SASS6: variants seen among roughly 807,000 people sequenced by gnomAD.
The protein encoded by SASS6 is SAS-6 centriolar assembly protein.
Under a neutral mutation model 94.9 loss-of-function variants are expected in SASS6, and 59 were observed. The ratio of observed to expected loss-of-function variants is 0.62; its 90% CI spans 0.50 to 0.77. SASS6 has a LOEUF of 0.77. SASS6 is among the 30% of genes least tolerant of loss of function. SASS6 has a pLI of 0.00. For missense variants in SASS6, 698 were observed against 734.1 expected (o/e 0.95, Z 0.57); for synonymous variants, 264 against 270.0 (o/e 0.98, Z 0.22).
chr1:100,116,422 TAGAATGG>T (rs1454902696), intron 7 of SASS6, among the ~76,000 whole-genome samples: 2 of 152,174 alleles, frequency 1.3e-5, no homozygotes, highest in Non-Finnish European at 2.9e-5. Flanking sequence ...TACATACCCA[TAGAATGG>T]CAATGTAAAC....
At chr1:100,088,089 G>T in intron 15 of SASS6, 50 bp downstream of exon 15, 1 of 952,412 alleles carries the variant, frequency 1.0e-6, no homozygotes, top group Non-Finnish European at 1.7e-6. Context: ...AATTCTGTAA[G>T]ATGGCCTTCA....
Position 100,120,374 on chromosome 1 carries a change from C to T in SASS6, c.549+20G>A, listed in dbSNP as rs1351147516. On this transcript the variant is annotated intron_variant, in intron 6 of 16. Coordinates refer to ENST00000287482, the MANE Select transcript of SASS6 (RefSeq NM_194292.3). ...CCAATGTCTGGATGACTTACAAAGACAAAATGAAATTTGAATTACCTTTCG... is the reference window on the plus strand; with the variant it reads ...CCAATGTCTGGATGACTTACAAAGATAAAATGAAATTTGAATTACCTTTCG... 5 of 1,318,694 alleles carry T rather than the reference C, an allele frequency of 3.8e-6. No homozygotes were observed. The African/African-American group carries it at 7.3e-5, about 19-fold the overall frequency. 81.7% of individuals were successfully genotyped at this position (1,318,694 alleles called of 1,614,324 possible). A position where few individuals can be genotyped will look rare whatever the true frequency, so the allele number is the denominator to read the frequency against.
intron 14 of SASS6, among the ~76,000 whole-genome samples, chr1:100,098,770 T>C (rs1024768011): frequency 3.3e-5 from 5 of 152,200 alleles, no homozygotes; most frequent in African/African-American, 1.2e-4. Flanking sequence ...AAAACTTATA[T>C]TCTGATACAC....
intron 14 of SASS6, among the ~76,000 whole-genome samples, chr1:100,094,839 CAGGG>C (rs1221163059): frequency 6.8e-6 from 1 of 146,724 alleles, no homozygotes; most frequent in African/African-American, 2.5e-5. Flanking sequence ...GCACTCCAGC[CAGGG>C]CAACAGAGAG....
At chr1:100,088,517 T>C (rs1303885152) in intron 14 of SASS6, among the ~76,000 whole-genome samples, 1 of 152,146 alleles carries the variant, frequency 6.6e-6, no homozygotes, top group Non-Finnish European at 1.5e-5. Context: ...CTCAAACTCC[T>C]CGGCTCAAGT....
At chr1:100,091,690 G>A (rs1457881129) in intron 14 of SASS6, among the ~76,000 whole-genome samples, 14 of 144,112 alleles carry the variant, frequency 9.7e-5, no homozygotes, top group African/African-American at 1.0e-4. Context: ...GAAAAAAACC[G>A]CTGAATGGGC....
intron 7 of SASS6, among the ~76,000 whole-genome samples, chr1:100,111,196 C>T (rs1465335860): frequency 6.6e-6 from 1 of 151,850 alleles, no homozygotes; most frequent in Non-Finnish European, 1.5e-5. Flanking sequence ...ACCCATAATC[C>T]CATCCAGAAA....
Position 100,084,643 on chromosome 1 carries a change from G to A in SASS6, c.*685C>T, listed in dbSNP as rs1570677057. The A allele has an allele frequency of 6.6e-6, 1 of 152,072 alleles. No homozygotes were observed. Among genetic ancestry groups the A allele is most frequent in the Non-Finnish European group, 1.5e-5 (1 of 67,916 alleles). 9.4% of individuals were successfully genotyped at this position (152,072 alleles called of 1,614,324 possible). A position where few individuals can be genotyped will look rare whatever the true frequency, so the allele number is the denominator to read the frequency against. On this transcript the variant is annotated 3_prime_UTR_variant, in exon 17 of 17. Coordinates refer to ENST00000287482, the MANE Select transcript of SASS6 (RefSeq NM_194292.3). Reference sequence around the variant, plus strand: ...AAAACTAGATGAGTATAAACATTTAGGAAGCACTGAAGTTTTAAAAACTTG... The same window carrying A: ...AAAACTAGATGAGTATAAACATTTAAGAAGCACTGAAGTTTTAAAAACTTG...
At position 100,105,781 on chromosome 1, in the gene SASS6, G is replaced by A. The variant is rs775272506; in HGVS notation, c.1531C>T (p.Pro511Ser). 1.2e-6 allele frequency: 2 copies of A among 1,612,636 alleles called. No homozygotes were observed. Among genetic ancestry groups the A allele is most frequent in the Admixed American group, 1.7e-5 (1 of 59,704 alleles). The change falls in exon 13 of 17, where the codon CCT (proline) becomes TCT (serine). Residue 511 changes from proline (P) to serine (S), a missense_variant. Transcript: ENST00000287482. ...SSNTIRSGIS[P>S]NLNVVDGRLT... is the part of the protein sequence containing the mutation. ...TTAAATCTTACCACATTCAGGTTAG[G>A]AGAAATTCCACTTCTGATTGTGTTG...
In SASS6 at chr1:100,118,513, T is replaced by C. The variant is rs139298588; in HGVS notation, c.669+505A>G. 1.6e-3 allele frequency among the ~76,000 whole-genome samples: 245 copies of C among 152,328 alleles called. 4 individuals are homozygous for C. In the East Asian group the frequency reaches 0.042, roughly 26 times the overall value. On this transcript the variant is annotated intron_variant, in intron 7 of 16. Transcript: ENST00000287482. ...GAAACTAAGAGTGCTTCTTGCAGTA[T>C]TGCTTAAAATAACCAAAACTTCGAA... is the stretch of plus-strand genomic sequence containing the variant.
intron 14 of SASS6, among the ~76,000 whole-genome samples, chr1:100,093,475 A>G (rs1651896373): frequency 6.6e-6 from 1 of 152,206 alleles, no homozygotes; most frequent in Non-Finnish European, 1.5e-5. Flanking sequence ...CTTGAAAAGA[A>G]TAGGGCTGGG....
intron 1 of SASS6, among the ~76,000 whole-genome samples, chr1:100,131,735 A>G (rs1264660218): frequency 6.6e-6 from 1 of 152,190 alleles, no homozygotes; most frequent in Non-Finnish European, 1.5e-5. Flanking sequence ...TGAACTATAT[A>G]TACTACAGTT....
Position 100,088,214 on chromosome 1 carries a change from G to C in SASS6, c.1697C>G (p.Thr566Arg), listed in dbSNP as rs753780384. The change falls in exon 15 of 17, where the codon ACA becomes AGA. Residue 566 changes from threonine (T) to arginine (R), a missense_variant. Thr to Arg is a moderately conservative substitution (Grantham distance 71). Coordinates refer to ENST00000287482, the MANE Select transcript of SASS6 (RefSeq NM_194292.3). ...ATCTCCTAGTGATGCATTTGGTTTT[G>C]TAAACTGCAAATTAAACTGAACCTG... ...GTKVQFNLQF[T>R]KPNASLGDVQ... is the part of the protein sequence containing the mutation. 6.3e-7 allele frequency: 1 copy of C among 1,594,370 alleles called. No individual in the cohort carries two copies.
Position 100,107,851 on chromosome 1 carries a change from A to G in SASS6, c.1015T>C (p.Leu339=), listed in dbSNP as rs750983292. 1 of 1,613,086 alleles carries G rather than the reference A, an allele frequency of 6.2e-7. No homozygotes were observed. The highest frequency in any genetic ancestry group is 1.7e-5 in the Admixed American group (1 of 60,008). ...GTATCAAATGCCTCTTTTGTTCTTAAAACAAGCTGGTCCTTATCCTTGATT... is the reference window on the plus strand; with the variant it reads ...GTATCAAATGCCTCTTTTGTTCTTAGAACAAGCTGGTCCTTATCCTTGATT... ...QEIKDKDQLV[L]RTKEAFDTIQ... The change falls in exon 9 of 17, where the codon TTA becomes CTA. Residue 339 remains leucine, a synonymous_variant. Coordinates refer to ENST00000287482, the MANE Select transcript of SASS6 (RefSeq NM_194292.3).
chr1:100,101,722 A>C (rs1367697073), intron 14 of SASS6, among the ~76,000 whole-genome samples: 1 of 152,242 alleles, frequency 6.6e-6, no homozygotes, highest in Non-Finnish European at 1.5e-5. Context: ...CTCCTTAATA[A>C]GCAATGCAAG....
intron 13 of SASS6, 76 bp from the exon 14 acceptor site, chr1:100,103,159 G>A: frequency 1.1e-6 from 1 of 908,546 alleles, no homozygotes; most frequent in South Asian, 1.7e-5. Flanking sequence ...GGTGGCATTA[G>A]CATCTGTTAT....
chr1:100,121,446 G>C lies in SASS6; in HGVS notation c.415C>G (p.Leu139Val). The change falls in exon 5 of 17, where the codon CTA becomes GTA. Residue 139 changes from leucine to valine, a missense_variant. Leu to Val is a conservative substitution (Grantham distance 32). Coordinates refer to ENST00000287482, the MANE Select transcript of SASS6 (RefSeq NM_194292.3). ...NPFKHLTHLSLKLLPGNDVEI... is the reference protein window; with the variant it reads ...NPFKHLTHLSVKLLPGNDVEI... ...ACATCATTTCCAGGTAAAAGTTTTAGTGAGAGGTGTGTAAGATGCTTAAAA... is the reference window on the plus strand; with the variant it reads ...ACATCATTTCCAGGTAAAAGTTTTACTGAGAGGTGTGTAAGATGCTTAAAA... The C allele has an allele frequency of 1.2e-6, 2 of 1,602,870 alleles. No individual in the cohort carries two copies. The highest frequency in any genetic ancestry group is 8.5e-7 in the Non-Finnish European group (1 of 1,173,672).
intron 13 of SASS6, among the ~76,000 whole-genome samples, chr1:100,105,378 T>A (rs1013330055): frequency 1.3e-5 from 2 of 151,950 alleles, no homozygotes; most frequent in African/African-American, 2.4e-5. Flanking sequence ...ATACAAAAAA[T>A]TAGCTGGGCG....
At chr1:100,118,989 AT>A in intron 7 of SASS6, 28 bp downstream of exon 7, 1 of 1,465,130 alleles carries the variant, frequency 6.8e-7, no homozygotes. Flanking sequence ...AATAAAAGAT[AT>A]TTTTTCAGTT....
Sources: allele counts gnomAD v4.1 joint callset (sites outside exome capture counted in the v4.1 genomes callset), GRCh38; gene constraint gnomAD v4.1.1; transcripts MANE v1.5; gene names NCBI Gene and HGNC (gene_info 2026-07-23, HGNC 2026-07-21).